DLG2: variants seen among roughly 807,000 people sequenced by gnomAD.
The protein encoded by DLG2 is discs large MAGUK scaffold protein 2.
A neutral mutation model predicts 132.5 loss-of-function variants in DLG2; 45 were observed. That is an observed-to-expected ratio of 0.34 (90% CI 0.27 to 0.44). The LOEUF (loss-of-function observed/expected upper bound fraction) is 0.44, where lower values mean the gene tolerates loss of function less well. Ranked by LOEUF, DLG2 falls within the 20% of genes least tolerant of loss-of-function variation. The pLI is 1.00. For missense variants in DLG2, 1,045 were observed against 1,196.9 expected, an observed-to-expected ratio of 0.87 and a Z score of 1.87; for synonymous variants, 424 against 419.6, an observed-to-expected ratio of 1.01 and a Z score of -0.13.
intron 18 of DLG2, among the ~76,000 whole-genome samples, chr11:83,637,785 C>T (rs527712281): frequency 6.6e-6 from 1 of 152,240 alleles, no homozygotes; most frequent in South Asian, 2.1e-4. Context: ...CTGTAAGCTA[C>T]TTGGAGACTT....
chr11:84,717,562 A>G (rs1366982353), intron 6 of DLG2, among the ~76,000 whole-genome samples: 1 of 152,062 alleles, frequency 6.6e-6, no homozygotes, highest in Non-Finnish European at 1.5e-5. Context: ...AATTTTCATA[A>G]ATGTACTTCA....
chr11:85,276,404 A>T (rs1169601035), intron 4 of DLG2, among the ~76,000 whole-genome samples: 1 of 152,142 alleles, frequency 6.6e-6, no homozygotes, highest in Non-Finnish European at 1.5e-5. Flanking sequence ...CTGAAATAGG[A>T]AAGATGATAG....
intron 3 of DLG2, among the ~76,000 whole-genome samples, chr11:85,540,057 A>G (rs1037580658): frequency 1.3e-5 from 2 of 152,090 alleles, no homozygotes; most frequent in East Asian, 1.9e-4. Context: ...CAATTCCCTG[A>G]CTCCAATACT....
In DLG2 at chr11:83,555,553, C is replaced by T. The variant is rs185237038; in HGVS notation, c.1941-13695G>A. ...GGCCAATACCTATCTGTTTGTCAGTCTGTCTGTTTCTCTCACCAAAATCTA... is the reference window on the plus strand; with the variant it reads ...GGCCAATACCTATCTGTTTGTCAGTTTGTCTGTTTCTCTCACCAAAATCTA... On this transcript the variant is annotated intron_variant, in intron 19 of 27. Coordinates refer to ENST00000376104, the MANE Select transcript of DLG2 (RefSeq NM_001142699.3). Among the ~76,000 whole-genome samples the T allele has an allele frequency of 1.5e-4, 23 of 152,288 alleles. No homozygotes were observed. In the East Asian group the frequency reaches 4.0e-3, roughly 27 times the overall value.
At chr11:84,580,928 A>G in intron 6 of DLG2, among the ~76,000 whole-genome samples, 1 of 152,268 alleles carries the variant, frequency 6.6e-6, no homozygotes, top group East Asian at 1.9e-4. Context: ...AAGAATACTC[A>G]GAATACTGTG....
At chr11:84,275,836 A>T (rs1276449834) in intron 7 of DLG2, among the ~76,000 whole-genome samples, 1 of 152,222 alleles carries the variant, frequency 6.6e-6, no homozygotes, top group Non-Finnish European at 1.5e-5. Context: ...AAAAGAAGAG[A>T]TTATATCCAT....
At chr11:84,950,007 C>T (rs2050718436) in intron 6 of DLG2, among the ~76,000 whole-genome samples, 1 of 152,162 alleles carries the variant, frequency 6.6e-6, no homozygotes, top group Non-Finnish European at 1.5e-5. Flanking sequence ...AATAAATATC[C>T]ATAAAATCTT....
intron 6 of DLG2, among the ~76,000 whole-genome samples, chr11:84,569,098 G>A (rs1338337645): frequency 1.3e-5 from 2 of 152,132 alleles, no homozygotes; most frequent in Non-Finnish European, 2.9e-5. Flanking sequence ...TGGTCTCACT[G>A]AACAACAGAG....
chr11:83,729,977 C>A (rs1334465836), intron 18 of DLG2, among the ~76,000 whole-genome samples: 6 of 151,600 alleles, frequency 4.0e-5, no homozygotes, highest in African/African-American at 1.2e-4. Context: ...CTTTATAGAA[C>A]CAAAAATAAA....
intron 8 of DLG2, among the ~76,000 whole-genome samples, chr11:84,212,575 C>G (rs774530716): frequency 6.6e-6 from 1 of 152,092 alleles, no homozygotes; most frequent in African/African-American, 2.4e-5. Context: ...AACAAATAAG[C>G]CTTTGAGTTT....
At chr11:83,841,148 T>C (rs2057435227) in intron 16 of DLG2, among the ~76,000 whole-genome samples, 1 of 152,226 alleles carries the variant, frequency 6.6e-6, no homozygotes, top group Admixed American at 6.5e-5. Flanking sequence ...GATCATAATA[T>C]CCTGGAGGTG....
At chr11:85,492,655 A>G (rs2093587938) in intron 3 of DLG2, among the ~76,000 whole-genome samples, 1 of 151,792 alleles carries the variant, frequency 6.6e-6, no homozygotes. Flanking sequence ...ATTATGTCAA[A>G]TGAATGCAAC....
chr11:83,761,036 T>C (rs1305465740), intron 18 of DLG2, among the ~76,000 whole-genome samples: 4 of 152,224 alleles, frequency 2.6e-5, no homozygotes, highest in Non-Finnish European at 5.9e-5. Flanking sequence ...TAGATTTTGC[T>C]TGTTGGCTTC....
chr11:84,821,649 A>C (rs1392587741), intron 6 of DLG2, among the ~76,000 whole-genome samples: 1 of 99,260 alleles, frequency 1.0e-5, no homozygotes, highest in Non-Finnish European at 2.3e-5. Flanking sequence ...AAACAACAAC[A>C]ACAAAAAAAA....
intron 15 of DLG2, among the ~76,000 whole-genome samples, chr11:83,880,438 TA>T (rs779618341): frequency 6.6e-6 from 1 of 152,074 alleles, no homozygotes; most frequent in Non-Finnish European, 1.5e-5. Flanking sequence ...AAGAAGGAGC[TA>T]AGGAGAAGAC....
intron 6 of DLG2, among the ~76,000 whole-genome samples, chr11:84,725,358 G>C (rs1359251514): frequency 6.6e-6 from 1 of 152,056 alleles, no homozygotes; most frequent in Non-Finnish European, 1.5e-5. Context: ...ATAAGGTTTT[G>C]GCATTATTAG....
intron 6 of DLG2, among the ~76,000 whole-genome samples, chr11:84,580,785 A>C (rs2099514526): frequency 6.6e-6 from 1 of 152,218 alleles, no homozygotes; most frequent in African/African-American, 2.4e-5. Flanking sequence ...TAAATCATTC[A>C]CTTCAATTCA....
chr11:83,620,869 CAAAA>C (rs56868518), intron 19 of DLG2, among the ~76,000 whole-genome samples: 2 of 57,224 alleles, frequency 3.5e-5, no homozygotes, highest in African/African-American at 9.9e-5. Context: ...GACTCCGTCT[CAAAA>C]AAAAAAAAAA....
At chr11:83,651,099 A>T (rs1261043690) in intron 18 of DLG2, among the ~76,000 whole-genome samples, 1 of 151,922 alleles carries the variant, frequency 6.6e-6, no homozygotes, top group Non-Finnish European at 1.5e-5. Context: ...CCAGCCTAAA[A>T]CTCTATGGAG....
Sources: allele counts gnomAD v4.1 joint callset (sites outside exome capture counted in the v4.1 genomes callset), GRCh38; gene constraint gnomAD v4.1.1; transcripts MANE v1.5; gene names NCBI Gene and HGNC (gene_info 2026-07-23, HGNC 2026-07-21).